Variants in KAT6B observed in about 807,000 individuals in gnomAD.
KAT6B encodes histone acetyltransferase KAT6B.
A neutral mutation model predicts 187.5 loss-of-function variants in KAT6B; 10 were observed. The ratio of observed to expected loss-of-function variants is 0.05; its 90% CI spans 0.03 to 0.09. KAT6B has a LOEUF of 0.09. KAT6B is among the 10% of genes least tolerant of loss of function. KAT6B has a pLI of 1.00. For missense variants in KAT6B, 1,952 were observed against 2,558.9 expected, an observed-to-expected ratio of 0.76 and a Z score of 5.12; for synonymous variants, 861 against 926.8, an observed-to-expected ratio of 0.93 and a Z score of 1.29.
intron 3 of KAT6B, among the ~76,000 whole-genome samples, chr10:74,872,534 G>C (rs10824241): frequency 0.27 from 41,165 of 151,896 alleles, 10,307 homozygotes; most frequent in African/African-American, 0.66. Flanking sequence ...TACCACCATG[G>C]CTGGCAAAGT....
intron 3 of KAT6B, among the ~76,000 whole-genome samples, chr10:74,874,044 A>G (rs1427328503): frequency 6.6e-6 from 1 of 152,230 alleles, no homozygotes; most frequent in Admixed American, 6.5e-5. Flanking sequence ...AAAAAGAGAA[A>G]CAGAATAAAA....
chr10:75,022,087 GGAC>G lies in KAT6B; in HGVS notation c.3231_3233del (p.Asp1077del). The G allele has an allele frequency of 6.2e-7, 1 of 1,603,892 alleles. No individual in the cohort carries two copies. The highest frequency in any genetic ancestry group is 8.5e-7 in the Non-Finnish European group (1 of 1,171,768). On this transcript the variant is annotated inframe_deletion, in exon 16 of 18. Transcript: ENST00000287239. Reference sequence around the variant, plus strand: ...GCAGTGAAGAAGAAGAGGAGGAGGAGGACGAGGAGGAGGAAGAAGAGGAGGAAG... The same window carrying G: ...GCAGTGAAGAAGAAGAGGAGGAGGAGGAGGAGGAGGAAGAAGAGGAGGAAG...
At chr10:74,955,289 G>A (rs1439796501) in intron 3 of KAT6B, among the ~76,000 whole-genome samples, 2 of 151,218 alleles carry the variant, frequency 1.3e-5, no homozygotes, top group Non-Finnish European at 2.9e-5. Context: ...ATGGTTGGTT[G>A]AATCCACGGA....
intron 3 of KAT6B, among the ~76,000 whole-genome samples, chr10:74,917,294 T>TA (rs1233454187): frequency 1.3e-5 from 2 of 152,170 alleles, no homozygotes; most frequent in Non-Finnish European, 2.9e-5. Context: ...AGCACAGTTA[T>TA]AAAAAAATTA....
At chr10:74,925,052 A>C (rs542004510) in intron 3 of KAT6B, among the ~76,000 whole-genome samples, 37 of 152,148 alleles carry the variant, frequency 2.4e-4, no homozygotes, top group Non-Finnish European at 3.5e-4. Context: ...ACTTTTATTT[A>C]TTTTTTATTT....
intron 3 of KAT6B, among the ~76,000 whole-genome samples, chr10:74,916,736 G>T (rs1271820526): frequency 6.6e-6 from 1 of 152,328 alleles, no homozygotes; most frequent in African/African-American, 2.4e-5. Flanking sequence ...TTCAGATAGT[G>T]TAGATATGGC....
intron 3 of KAT6B, among the ~76,000 whole-genome samples, chr10:74,931,739 G>A (rs1026615506): frequency 1.3e-5 from 2 of 152,086 alleles, no homozygotes; most frequent in Non-Finnish European, 2.9e-5. Flanking sequence ...GTGTGTTTGC[G>A]GGATTCTGTT....
intron 1 of KAT6B, among the ~76,000 whole-genome samples, chr10:74,835,510 G>T (rs945166051): frequency 1.3e-5 from 2 of 152,194 alleles, no homozygotes; most frequent in Non-Finnish European, 2.9e-5. Context: ...GGTACCTGAA[G>T]GTAATACCCG....
At chr10:74,968,669 TG>T (rs1218371944) in intron 4 of KAT6B, among the ~76,000 whole-genome samples, 1 of 152,178 alleles carries the variant, frequency 6.6e-6, no homozygotes, top group Non-Finnish European at 1.5e-5. Context: ...TTCTTTCACA[TG>T]GGATTTACTA....
At chr10:74,856,473 C>T (rs1842835034) in intron 3 of KAT6B, among the ~76,000 whole-genome samples, 2 of 152,286 alleles carry the variant, frequency 1.3e-5, no homozygotes, top group Admixed American at 1.3e-4. Context: ...ACAGTTTTCC[C>T]TCCTTTTTGC....
At chr10:74,913,617 G>A (rs544403415) in intron 3 of KAT6B, among the ~76,000 whole-genome samples, 1 of 152,304 alleles carries the variant, frequency 6.6e-6, no homozygotes, top group South Asian at 2.1e-4. Context: ...CTTGAATCTT[G>A]CTAAAGAAGT....
intron 3 of KAT6B, among the ~76,000 whole-genome samples, chr10:74,845,397 C>T (rs886706448): frequency 6.8e-6 from 1 of 147,368 alleles, no homozygotes; most frequent in African/African-American, 2.5e-5. Flanking sequence ...TGGGGGGCAC[C>T]TGTAGTCCCA....
chr10:74,978,377 C>G (rs1842298214), intron 9 of KAT6B, among the ~76,000 whole-genome samples: 1 of 152,196 alleles, frequency 6.6e-6, no homozygotes, highest in Admixed American at 6.6e-5. Flanking sequence ...CTACGTTGAT[C>G]AGTAGTGGGA....
chr10:75,026,955 G>T (rs1044072785), intron 17 of KAT6B, among the ~76,000 whole-genome samples: 1 of 152,120 alleles, frequency 6.6e-6, no homozygotes, highest in Non-Finnish European at 1.5e-5. Context: ...GACCAACATG[G>T]TGAAACCCCA....
rs1845455777 is a variant in KAT6B at position 75,022,078 on chromosome 10, G to A, written c.3219G>A (p.Glu1073=). 1 of 1,611,118 alleles carries A rather than the reference G, an allele frequency of 6.2e-7. No homozygotes were observed. Among genetic ancestry groups the A allele is most frequent in the South Asian group, 1.1e-5 (1 of 90,936 alleles). ...ELSKESSEEE[E]EEEDEEEEEE... ...CTAAAGAGAGCAGTGAAGAAGAAGA[G>A]GAGGAGGAGGACGAGGAGGAGGAAG... The change falls in exon 16 of 18, where the codon GAG becomes GAA. Residue 1073 remains glutamate, a synonymous_variant. Transcript: ENST00000287239.
chr10:74,894,015 C>G (rs917502788), intron 3 of KAT6B, among the ~76,000 whole-genome samples: 1 of 152,188 alleles, frequency 6.6e-6, no homozygotes, highest in Admixed American at 6.5e-5. Flanking sequence ...ATAAAGGTCA[C>G]GTCCCCATAT....
At chr10:74,936,965 A>G (rs1036333413) in intron 3 of KAT6B, among the ~76,000 whole-genome samples, 4 of 152,210 alleles carry the variant, frequency 2.6e-5, no homozygotes, top group South Asian at 4.1e-4. Flanking sequence ...TTTGAAGTGT[A>G]CATTTATTCC....
At chr10:74,848,519 GAAC>G (rs369678724) in intron 3 of KAT6B, among the ~76,000 whole-genome samples, 35 of 150,748 alleles carry the variant, frequency 2.3e-4, no homozygotes, top group African/African-American at 3.2e-4. Context: ...ACAACAACAA[GAAC>G]AACAACAACA....
At chr10:74,872,706 G>C (rs1844088029) in intron 3 of KAT6B, among the ~76,000 whole-genome samples, 1 of 151,298 alleles carries the variant, frequency 6.6e-6, no homozygotes, top group Non-Finnish European at 1.5e-5. Context: ...TTGTAGAGAG[G>C]GGGTTCTGCT....
Sources: gnomAD v4.1 joint callset for allele counts (sites outside exome capture counted in the v4.1 genomes callset) on GRCh38, gnomAD v4.1.1 for gene constraint, MANE v1.5 for transcripts, NCBI Gene and HGNC (gene_info 2026-07-23, HGNC 2026-07-21) for gene names.